TRABD2B: variants seen among roughly 807,000 people sequenced by gnomAD.
TRABD2B encodes the protein TraB domain containing 2B, also known as metalloprotease TIKI2.
A neutral mutation model predicts 40.1 loss-of-function variants in TRABD2B; 14 were observed. The observed-to-expected ratio is 0.35, with a 90% CI of 0.23 to 0.55. The LOEUF is 0.55. TRABD2B is among the 20% of genes least tolerant of loss of function. The pLI is 0.90. For synonymous variants in TRABD2B, 263 were observed against 277.0 expected (o/e 0.95, Z 0.50); for missense variants, 541 against 648.6 (o/e 0.83, Z 1.80).
rs1364713408 is a variant in TRABD2B, at chr1:47,764,270, C to G, written c.*1632G>C. The G allele has an allele frequency of 2.6e-5, 4 of 152,252 alleles. No homozygotes were observed. Among genetic ancestry groups the G allele is most frequent in the African/African-American group, 9.6e-5 (4 of 41,470 alleles). The allele number at this position is 152,252 out of a possible 1,614,324, so 9.4% of individuals were successfully genotyped here. A position where few individuals can be genotyped will look rare whatever the true frequency, so the allele number is the denominator to read the frequency against. On this transcript the variant is annotated 3_prime_UTR_variant, in exon 7 of 7. Transcript: ENST00000606738. ...GTGCAGCCTTGGAGAAGTGTCTCCT[C>G]TCTGTGGGCCTTATTATTCCTCCTA...
In TRABD2B at chr1:47,907,980, G is replaced by GT. The variant is rs371371885; in HGVS notation, c.666+86053dup. Among the ~76,000 whole-genome samples the GT allele has an allele frequency of 8.5e-5, 13 of 152,168 alleles. 2 individuals carry two copies. Among genetic ancestry groups the GT allele is most frequent in the African/African-American group, 3.1e-4 (13 of 41,520 alleles). On this transcript the variant is annotated intron_variant, in intron 2 of 6. Coordinates refer to ENST00000606738, the MANE Select transcript of TRABD2B (RefSeq NM_001194986.2). The stretch of plus-strand genomic sequence containing the variant: ...CCTCCTCTCTTCTTCCAAATTTTCC[G>GT]TATTTCTTTTCTTTTCTCATTAAAA...
chr1:47,995,563 AG>A (rs1646078143), intron 1 of TRABD2B, among the ~76,000 whole-genome samples: 1 of 152,036 alleles, frequency 6.6e-6, no homozygotes, highest in Non-Finnish European at 1.5e-5. Flanking sequence ...GCATGCAGAC[AG>A]GGGTCCTTTC....
At position 47,996,758 on chromosome 1, in the gene TRABD2B, G is replaced by C; in HGVS notation, c.32C>G (p.Ala11Gly). The C allele has an allele frequency of 8.2e-7, 1 of 1,218,914 alleles. No homozygotes were observed. Among genetic ancestry groups the C allele is most frequent in the Non-Finnish European group, 1.0e-6 (1 of 979,126 alleles). The allele number at this position is 1,218,914 out of a possible 1,614,324, so 75.5% of individuals were successfully genotyped here. MHAALAGPLL[A>G]ALLATARARP... ...GGCGCGAGCGGTGGCGAGGAGGGCG[G>C]CGAGCAGCGGCCCCGCCAGGGCGGC... The change falls in exon 1 of 7, where the codon GCC (alanine) becomes GGC (glycine). Residue 11 changes from alanine (A) to glycine (G), a missense_variant. Around this residue, in one of 2 missense-constraint regions of TRABD2B, gnomAD observed 369 missense variants for 492.8 expected, o/e 0.75. Coordinates refer to ENST00000606738, the MANE Select transcript of TRABD2B (RefSeq NM_001194986.2). This position sits in a 1 kb window ranked among gnomAD's most constrained non-coding sequence, Gnocchi z 4.6.
intron 2 of TRABD2B, among the ~76,000 whole-genome samples, chr1:47,853,234 A>G (rs1281630735): frequency 3.3e-5 from 5 of 152,170 alleles, no homozygotes; most frequent in African/African-American, 9.7e-5. Context: ...GGGACTCCAC[A>G]TTCCTCAGTC....
chr1:47,886,788 T>G (rs1002319564), intron 2 of TRABD2B, among the ~76,000 whole-genome samples: 2 of 152,246 alleles, frequency 1.3e-5, no homozygotes, highest in African/African-American at 4.8e-5. Context: ...GAATTTTAAC[T>G]TCTAAACAGT....
At chr1:47,918,257 C>A (rs1258551661) in intron 2 of TRABD2B, among the ~76,000 whole-genome samples, 1 of 152,212 alleles carries the variant, frequency 6.6e-6, no homozygotes, top group Non-Finnish European at 1.5e-5. Flanking sequence ...GCATAGCCAG[C>A]TCCTTTCTGG....
At chr1:47,911,126 T>C (rs1460821102) in intron 2 of TRABD2B, among the ~76,000 whole-genome samples, 1 of 152,166 alleles carries the variant, frequency 6.6e-6, no homozygotes. Context: ...AATAGAAATG[T>C]GTAATAGAAA....
chr1:47,814,694 G>A (rs771722635), intron 2 of TRABD2B, among the ~76,000 whole-genome samples: 1 of 152,128 alleles, frequency 6.6e-6, no homozygotes, highest in Non-Finnish European at 1.5e-5. Flanking sequence ...AAATGCAGAT[G>A]AGACCCAGAA....
At chr1:47,872,846 A>C (rs908319687) in intron 2 of TRABD2B, among the ~76,000 whole-genome samples, 28 of 152,230 alleles carry the variant, frequency 1.8e-4, no homozygotes, top group African/African-American at 6.3e-4. Flanking sequence ...TGGGGCCCTC[A>C]GGGCTCCTGT....
chr1:47,766,019 T>C lies in TRABD2B; in HGVS notation c.1437A>G (p.Leu479=). ...CGGGCCCTGGCGGGTCCTGCTGTTG[T>C]AGCTGGTCTGAAAGCTGGAAGGGGG... ...AKPPFQLSDQ[L]QQQDPPGPAS... is the part of the protein sequence containing the mutation. Residue 479 remains leucine (L), a synonymous_variant, in exon 7 of 7, where the codon CTA becomes CTG. Coordinates refer to ENST00000606738, the MANE Select transcript of TRABD2B (RefSeq NM_001194986.2). The C allele has an allele frequency of 2.9e-6, 2 of 696,342 alleles. No homozygotes were observed. Among genetic ancestry groups the C allele is most frequent in the Non-Finnish European group, 2.6e-6 (1 of 381,576 alleles). 43.1% of individuals were successfully genotyped at this position (696,342 alleles called of 1,614,324 possible). A position where few individuals can be genotyped will look rare whatever the true frequency, so the allele number is the denominator to read the frequency against.
intron 2 of TRABD2B, among the ~76,000 whole-genome samples, chr1:47,973,518 C>G (rs749183393): frequency 6.6e-6 from 1 of 152,158 alleles, no homozygotes; most frequent in Non-Finnish European, 1.5e-5. Context: ...TGTGTGTATA[C>G]TCGTACTTGC....
chr1:47,861,072 G>A (rs1643960758), intron 2 of TRABD2B, among the ~76,000 whole-genome samples: 1 of 152,196 alleles, frequency 6.6e-6, no homozygotes. Context: ...TACAGGGGAG[G>A]AGATGAAAAC....
At chr1:47,973,582 G>T (rs1645712212) in intron 2 of TRABD2B, among the ~76,000 whole-genome samples, 1 of 152,090 alleles carries the variant, frequency 6.6e-6, no homozygotes, top group African/African-American at 2.4e-5. Flanking sequence ...GGACCAAAAT[G>T]TGCAAGTGCC....
At chr1:47,801,021 C>T (rs181704688) in intron 3 of TRABD2B, among the ~76,000 whole-genome samples, 1 of 152,274 alleles carries the variant, frequency 6.6e-6, no homozygotes, top group East Asian at 1.9e-4. Flanking sequence ...GTGAGCCATG[C>T]TCAGCCCCTT....
intron 6 of TRABD2B, among the ~76,000 whole-genome samples, chr1:47,767,408 T>C (rs750530889): frequency 2.6e-5 from 4 of 152,104 alleles, no homozygotes; most frequent in Non-Finnish European, 4.4e-5. Flanking sequence ...AGTTTGAGCA[T>C]GGGGAGGGCA....
chr1:47,886,077 G>C (rs756207616), intron 2 of TRABD2B, among the ~76,000 whole-genome samples: 1 of 152,168 alleles, frequency 6.6e-6, no homozygotes, highest in Admixed American at 6.5e-5. Context: ...CACTGAGATG[G>C]ATACTAATTC....
chr1:47,798,855 A>C (rs1011451354), intron 3 of TRABD2B, among the ~76,000 whole-genome samples: 3 of 152,056 alleles, frequency 2.0e-5, no homozygotes, highest in African/African-American at 7.2e-5. Flanking sequence ...CCCCACCTCC[A>C]ACAGATCCTC....
intron 2 of TRABD2B, among the ~76,000 whole-genome samples, chr1:47,852,940 T>C (rs543680923): frequency 1.3e-5 from 2 of 152,034 alleles, no homozygotes; most frequent in African/African-American, 4.8e-5. Flanking sequence ...TGAGTTCTCA[T>C]ATTCTCTTTG....
intron 2 of TRABD2B, among the ~76,000 whole-genome samples, chr1:47,806,655 C>T (rs1445859391): frequency 6.6e-6 from 1 of 152,194 alleles, no homozygotes; most frequent in Non-Finnish European, 1.5e-5. Context: ...TGGCTTGTGG[C>T]ATCTGCTGAA....
Sources: allele counts gnomAD v4.1 joint callset (sites outside exome capture counted in the v4.1 genomes callset), GRCh38; gene constraint gnomAD v4.1.1; regional missense constraint gnomAD v4.1.1; non-coding constraint Gnocchi (gnomAD v3.1); transcripts MANE v1.5; gene names NCBI Gene and HGNC (gene_info 2026-07-23, HGNC 2026-07-21).